KCNIP4: variants seen among roughly 807,000 people sequenced by gnomAD.
The protein encoded by KCNIP4 is Kv channel-interacting protein 4.
In KCNIP4, 12 loss-of-function variants were observed where a neutral mutation model predicts 34.0. That is an observed-to-expected ratio of 0.35 (90% CI 0.23 to 0.57). The LOEUF (loss-of-function observed/expected upper bound fraction) is 0.57, where lower values mean the gene tolerates loss of function less well. KCNIP4 is among the 20% of genes least tolerant of loss of function. The pLI is 0.83. For missense variants in KCNIP4, 238 were observed against 311.7 expected (o/e 0.76, Z 1.78); for synonymous variants, 124 against 102.2 (o/e 1.21, Z -1.29).
intron 4 of KCNIP4, among the ~76,000 whole-genome samples, chr4:20,753,755 CCTAGGA>C (rs1355008059): frequency 1.3e-5 from 2 of 152,156 alleles, no homozygotes; most frequent in Non-Finnish European, 2.9e-5. Context: ...GAAATACTGT[CCTAGGA>C]CAAGAAGGAT....
At chr4:20,747,589 T>A (rs1752644165) in intron 5 of KCNIP4, among the ~76,000 whole-genome samples, 1 of 151,470 alleles carries the variant, frequency 6.6e-6, no homozygotes, top group African/African-American at 2.4e-5. Context: ...ACACCCAGGA[T>A]AAACCTGCCT....
chr4:21,298,783 T>A (rs1274060861), intron 1 of KCNIP4, among the ~76,000 whole-genome samples: 2 of 152,200 alleles, frequency 1.3e-5, no homozygotes, highest in African/African-American at 4.8e-5. Context: ...ACAGTACACA[T>A]GCTTATGCTT....
At chr4:21,220,565 T>A (rs906590061) in intron 1 of KCNIP4, among the ~76,000 whole-genome samples, 26 of 151,448 alleles carry the variant, frequency 1.7e-4, no homozygotes, top group African/African-American at 5.1e-4. Flanking sequence ...TAATAATAAA[T>A]AATAATAATA....
chr4:21,133,322 G>C (rs1751235533), intron 1 of KCNIP4, among the ~76,000 whole-genome samples: 2 of 152,194 alleles, frequency 1.3e-5, no homozygotes, highest in South Asian at 4.1e-4. Flanking sequence ...ATGATGGAGA[G>C]AGAGAGTACA....
intron 1 of KCNIP4, among the ~76,000 whole-genome samples, chr4:21,568,838 T>C (rs1740127372): frequency 6.6e-6 from 1 of 152,122 alleles, no homozygotes; most frequent in Non-Finnish European, 1.5e-5. Flanking sequence ...TGTGAGTCAA[T>C]TCTAATAAAA....
intron 1 of KCNIP4, among the ~76,000 whole-genome samples, chr4:21,128,281 C>T (rs866628230): frequency 1.7e-4 from 26 of 152,132 alleles, no homozygotes; most frequent in African/African-American, 5.8e-4. Flanking sequence ...GAGCAGAATC[C>T]CATGGCATTC....
chr4:21,452,056 T>C (rs1728554819), intron 1 of KCNIP4, among the ~76,000 whole-genome samples: 1 of 152,026 alleles, frequency 6.6e-6, no homozygotes. Context: ...AACTCCGCCT[T>C]CCAGAAGCTG....
chr4:21,101,655 T>A (rs1207471267), intron 1 of KCNIP4, among the ~76,000 whole-genome samples: 1 of 152,190 alleles, frequency 6.6e-6, no homozygotes, highest in African/African-American at 2.4e-5. Context: ...GATGAAAATG[T>A]TCTATTATTA....
intron 1 of KCNIP4, chr4:21,762,815 A>C (rs1313925073): frequency 1.5e-6 from 1 of 676,322 alleles, no homozygotes; most frequent in Non-Finnish European, 2.1e-6. Context: ...TATCTGAATA[A>C]ATGTTCACAT....
At chr4:20,853,666 A>G (rs576291496) in intron 2 of KCNIP4, among the ~76,000 whole-genome samples, 1 of 152,202 alleles carries the variant, frequency 6.6e-6, no homozygotes, top group African/African-American at 2.4e-5. Context: ...ATTAAACTAA[A>G]GAGCTTTTGC....
intron 1 of KCNIP4, among the ~76,000 whole-genome samples, chr4:21,260,216 A>G (rs990994499): frequency 6.6e-6 from 1 of 152,146 alleles, no homozygotes; most frequent in Non-Finnish European, 1.5e-5. Flanking sequence ...TGCTTTCATA[A>G]AAGGTCAATT....
intron 2 of KCNIP4, among the ~76,000 whole-genome samples, chr4:20,873,508 G>A (rs1723701901): frequency 1.3e-5 from 2 of 152,110 alleles, no homozygotes. Context: ...TTACCACTGA[G>A]TTTCAGTTGG....
intron 3 of KCNIP4, among the ~76,000 whole-genome samples, chr4:20,827,877 A>G (rs1331675810): frequency 2.6e-5 from 4 of 152,096 alleles, no homozygotes; most frequent in Admixed American, 2.6e-4. Flanking sequence ...GATATGTAAA[A>G]TGACTCAAGA....
intron 1 of KCNIP4, among the ~76,000 whole-genome samples, chr4:21,581,862 G>A (rs1246440282): frequency 6.6e-6 from 1 of 151,846 alleles, no homozygotes; most frequent in Non-Finnish European, 1.5e-5. Context: ...TACACAGAAT[G>A]TTTTTCAAAC....
intron 1 of KCNIP4, among the ~76,000 whole-genome samples, chr4:21,553,001 T>C (rs983878759): frequency 6.6e-6 from 1 of 151,910 alleles, no homozygotes; most frequent in East Asian, 1.9e-4. Context: ...CTCAGACTCT[T>C]GGGGAAACAA....
rs397992488 is a variant in KCNIP4, at chr4:20,937,222, CTTTTTTTTTTTTTTTT to C, written c.62-54529_62-54514del. ...TGAGCAAAAGGTGCCCCCAAGGAGT[CTTTTTTTTTTTTTTTT>C]TTTTTTTTTTTTTTGAGACAGAGTT... On this transcript the variant is annotated intron_variant, in intron 1 of 8. Coordinates refer to ENST00000382152, the MANE Select transcript of KCNIP4 (RefSeq NM_025221.6). 1.3e-4 allele frequency among the ~76,000 whole-genome samples: 6 copies of C among 45,530 alleles called. No individual in the cohort carries two copies. The South Asian group carries it at 2.9e-3, about 22-fold the overall frequency. 29.9% of individuals were successfully genotyped at this position (45,530 alleles called of 152,430 possible). A position where few individuals can be genotyped will look rare whatever the true frequency, so the allele number is the denominator to read the frequency against.
At chr4:21,450,932 T>C (rs1728462162) in intron 1 of KCNIP4, among the ~76,000 whole-genome samples, 1 of 152,110 alleles carries the variant, frequency 6.6e-6, no homozygotes, top group Admixed American at 6.6e-5. Flanking sequence ...CACAAATAAT[T>C]TGGGATTTGC....
At chr4:21,580,819 T>C (rs1370369864) in intron 1 of KCNIP4, among the ~76,000 whole-genome samples, 1 of 152,022 alleles carries the variant, frequency 6.6e-6, no homozygotes, top group Non-Finnish European at 1.5e-5. Context: ...AAAAACATGG[T>C]ATACAGAAAT....
intron 1 of KCNIP4, among the ~76,000 whole-genome samples, chr4:21,345,830 T>C (rs1043640722): frequency 6.6e-6 from 1 of 152,016 alleles, no homozygotes; most frequent in Non-Finnish European, 1.5e-5. Flanking sequence ...TGACTAGTTA[T>C]CCACTCATTA....
Sources: allele counts gnomAD v4.1 joint callset (sites outside exome capture counted in the v4.1 genomes callset), GRCh38; gene constraint gnomAD v4.1.1; transcripts MANE v1.5; gene names NCBI Gene and HGNC (gene_info 2026-07-23, HGNC 2026-07-21).